Variants in ANK3 observed in about 807,000 individuals in gnomAD.
ANK3 encodes the protein ankyrin-3.
ANK3 carries 57 observed loss-of-function variants against 370.9 expected under a neutral mutation model. That is an observed-to-expected ratio of 0.15 (90% CI 0.12 to 0.19). The LOEUF is 0.19. Among genes scored for constraint, ANK3 ranks in the 10% least tolerant of loss-of-function variants. ANK3 has a pLI of 1.00. For synonymous variants in ANK3, 1,929 were observed against 1,946.3 expected (o/e 0.99, Z 0.23); for missense variants, 4,439 against 5,302.1 (o/e 0.84, Z 5.06).
intron 23 of ANK3, among the ~76,000 whole-genome samples, chr10:60,153,282 C>T (rs530858960): frequency 6.0e-4 from 92 of 152,274 alleles, no homozygotes; most frequent in Non-Finnish European, 1.1e-3. Context: ...GTGGAGAAAG[C>T]TGAGTCTACT....
chr10:60,525,302 A>G (rs1397698515), intron 2 of ANK3, among the ~76,000 whole-genome samples: 3 of 152,266 alleles, frequency 2.0e-5, no homozygotes, highest in South Asian at 4.1e-4. Flanking sequence ...GATTTTCAAT[A>G]TTAATAGTCA....
At chr10:60,416,302 C>T (rs1489105037) in intron 2 of ANK3, among the ~76,000 whole-genome samples, 2 of 152,134 alleles carry the variant, frequency 1.3e-5, no homozygotes, top group Non-Finnish European at 2.9e-5. Flanking sequence ...TAATGAACAA[C>T]TATTGTTACA....
chr10:60,311,850 G>A (rs1052336580), intron 1 of ANK3, among the ~76,000 whole-genome samples: 1 of 152,058 alleles, frequency 6.6e-6, no homozygotes, highest in African/African-American at 2.4e-5. Flanking sequence ...ATCTAAAGTA[G>A]GTCTGAAATC....
intron 1 of ANK3, among the ~76,000 whole-genome samples, chr10:60,297,337 C>G (rs1174533017): frequency 1.3e-5 from 2 of 152,074 alleles, no homozygotes; most frequent in African/African-American, 4.8e-5. Context: ...TTACAAAAAT[C>G]TTACTTACAA....
chr10:60,414,463 C>T (rs1279881475), intron 2 of ANK3, among the ~76,000 whole-genome samples: 1 of 152,046 alleles, frequency 6.6e-6, no homozygotes. Context: ...GGCGTATCCA[C>T]AAATAACCAC....
At chr10:60,173,839 C>T (rs147098290) in intron 18 of ANK3, among the ~76,000 whole-genome samples, 17 of 152,264 alleles carry the variant, frequency 1.1e-4, no homozygotes, top group African/African-American at 4.1e-4. Context: ...TATCCACTGA[C>T]CCCTGAGGGG....
chr10:60,185,887 GTCTTT>G (rs1224607212), intron 17 of ANK3, among the ~76,000 whole-genome samples: 31 of 152,266 alleles, frequency 2.0e-4, no homozygotes, highest in African/African-American at 6.7e-4. Context: ...CAAAACTCTA[GTCTTT>G]TCTTCATGAA....
intron 5 of ANK3, among the ~76,000 whole-genome samples, chr10:60,264,688 AAGG>A (rs2097853582): frequency 6.6e-6 from 1 of 152,216 alleles, no homozygotes; most frequent in Non-Finnish European, 1.5e-5. Flanking sequence ...AAAGTTTTCA[AAGG>A]AGATCATTTA....
intron 1 of ANK3, among the ~76,000 whole-genome samples, chr10:60,332,675 A>G (rs2132944276): frequency 6.6e-6 from 1 of 152,326 alleles, no homozygotes; most frequent in South Asian, 2.1e-4. Flanking sequence ...GATATTTGGG[A>G]AAGGCCAAAA....
chr10:60,353,830 A>G (rs970785219), intron 1 of ANK3, among the ~76,000 whole-genome samples: 2 of 152,214 alleles, frequency 1.3e-5, no homozygotes, highest in African/African-American at 4.8e-5. Flanking sequence ...CTTTGACTCA[A>G]TTCTCTTAGG....
intron 23 of ANK3, among the ~76,000 whole-genome samples, chr10:60,151,017 T>G (rs896254017): frequency 1.3e-5 from 2 of 152,192 alleles, no homozygotes; most frequent in African/African-American, 4.8e-5. Flanking sequence ...ACTGACTCCT[T>G]AATATAATTA....
At chr10:60,374,745 G>T (rs1279918780) in intron 1 of ANK3, among the ~76,000 whole-genome samples, 1 of 152,104 alleles carries the variant, frequency 6.6e-6, no homozygotes, top group Non-Finnish European at 1.5e-5. Context: ...GTCCTTTGTG[G>T]CATTTTTCAT....
chr10:60,420,689 G>C (rs560355354), intron 2 of ANK3, among the ~76,000 whole-genome samples: 2 of 152,190 alleles, frequency 1.3e-5, no homozygotes, highest in East Asian at 3.9e-4. Context: ...TAAATGAACA[G>C]TGTTTACACA....
intron 2 of ANK3, among the ~76,000 whole-genome samples, chr10:60,520,436 T>A (rs938273989): frequency 6.6e-6 from 1 of 152,030 alleles, no homozygotes; most frequent in Non-Finnish European, 1.5e-5. Context: ...AAGTTGAATT[T>A]AAAAAAATAA....
intron 2 of ANK3, among the ~76,000 whole-genome samples, chr10:60,425,637 G>C (rs2063869889): frequency 6.6e-6 from 1 of 152,048 alleles, no homozygotes; most frequent in African/African-American, 2.4e-5. Flanking sequence ...TCAAGATTTT[G>C]TTCCCAAGGC....
intron 37 of ANK3, among the ~76,000 whole-genome samples, chr10:60,068,394 A>G (rs1050704435): frequency 1.3e-5 from 2 of 152,228 alleles, no homozygotes; most frequent in Non-Finnish European, 2.9e-5. Flanking sequence ...AATGACACCA[A>G]TATCTTCAGC....
intron 17 of ANK3, among the ~76,000 whole-genome samples, chr10:60,184,548 T>C (rs1429713841): frequency 1.3e-5 from 2 of 152,250 alleles, no homozygotes; most frequent in Non-Finnish European, 1.5e-5. Flanking sequence ...CCTTTAGGAA[T>C]ATCTCTGCTT....
At chr10:60,055,570 G>T in intron 42 of ANK3, 88 bp downstream of exon 42, 1 of 1,459,420 alleles carries the variant, frequency 6.9e-7, no homozygotes. Flanking sequence ...AAAAAACCTT[G>T]GGCCCCCGGC....
At chr10:60,577,195 T>A (rs970496305) in intron 2 of ANK3, among the ~76,000 whole-genome samples, 1 of 152,164 alleles carries the variant, frequency 6.6e-6, no homozygotes, top group Non-Finnish European at 1.5e-5. Flanking sequence ...AGAGCTGGCA[T>A]TGTCTTAGGC....
Sources: allele counts gnomAD v4.1 joint callset (sites outside exome capture counted in the v4.1 genomes callset), GRCh38; gene constraint gnomAD v4.1.1; transcripts MANE v1.5; gene names NCBI Gene and HGNC (gene_info 2026-07-23, HGNC 2026-07-21).